Variants in PTPRT observed in about 807,000 individuals in gnomAD.
The protein encoded by PTPRT is protein tyrosine phosphatase receptor type T, also known as receptor-type tyrosine-protein phosphatase T.
Under a neutral mutation model 176.8 loss-of-function variants are expected in PTPRT, and 56 were observed. That is an observed-to-expected ratio of 0.32 (90% CI 0.26 to 0.40). PTPRT has a LOEUF of 0.40. Ranked by LOEUF, PTPRT falls within the 10% of genes least tolerant of loss-of-function variation. PTPRT has a pLI of 1.00. For missense variants in PTPRT, 1,540 were observed against 1,908.2 expected, an observed-to-expected ratio of 0.81 and a Z score of 3.60; for synonymous variants, 783 against 739.0, an observed-to-expected ratio of 1.06 and a Z score of -0.96.
intron 3 of PTPRT, among the ~76,000 whole-genome samples, chr20:42,788,102 T>C (rs2077318200): frequency 6.6e-6 from 1 of 152,054 alleles, no homozygotes; most frequent in Non-Finnish European, 1.5e-5. Context: ...ATACAACACG[T>C]CACGTTGTTA....
intron 1 of PTPRT, among the ~76,000 whole-genome samples, chr20:43,047,942 C>A (rs746720546): frequency 2.6e-4 from 39 of 152,202 alleles, no homozygotes; most frequent in Admixed American, 2.2e-3. Context: ...CCATGACACA[C>A]TGCAGCCTTG....
intron 7 of PTPRT, among the ~76,000 whole-genome samples, chr20:42,601,672 T>C (rs926737926): frequency 6.6e-6 from 1 of 152,224 alleles, no homozygotes; most frequent in Non-Finnish European, 1.5e-5. Flanking sequence ...AGTGCCTAGT[T>C]TGGGACGCAG....
At chr20:43,082,321 C>G (rs1282127335) in intron 1 of PTPRT, among the ~76,000 whole-genome samples, 1 of 151,886 alleles carries the variant, frequency 6.6e-6, no homozygotes, top group Non-Finnish European at 1.5e-5. Context: ...TGATCTCTCA[C>G]TGAATATATT....
chr20:42,430,434 T>G (rs370861590), intron 9 of PTPRT, among the ~76,000 whole-genome samples: 1 of 152,162 alleles, frequency 6.6e-6, no homozygotes, highest in African/African-American at 2.4e-5. Flanking sequence ...GGGACAGAGA[T>G]AGCACTTTCC....
At chr20:42,871,099 C>T (rs943342688) in intron 2 of PTPRT, among the ~76,000 whole-genome samples, 3 of 151,800 alleles carry the variant, frequency 2.0e-5, no homozygotes, top group African/African-American at 7.3e-5. Context: ...TACAGACACA[C>T]GCCACCATGC....
At chr20:42,978,206 A>G (rs770450757) in intron 1 of PTPRT, among the ~76,000 whole-genome samples, 1 of 149,102 alleles carries the variant, frequency 6.7e-6, no homozygotes, top group Non-Finnish European at 1.5e-5. Flanking sequence ...ACACAGTAAG[A>G]GATTAATAAC....
intron 6 of PTPRT, among the ~76,000 whole-genome samples, chr20:42,747,352 A>C (rs921614000): frequency 6.6e-6 from 1 of 152,352 alleles, no homozygotes; most frequent in East Asian, 1.9e-4. Context: ...GTACTGACTC[A>C]GGTACTGCTG....
At chr20:42,793,953 T>G (rs1294300993) in intron 2 of PTPRT, among the ~76,000 whole-genome samples, 1 of 152,172 alleles carries the variant, frequency 6.6e-6, no homozygotes, top group Non-Finnish European at 1.5e-5. Context: ...GATACCCGCA[T>G]GCACATTTCA....
At chr20:42,750,048 A>G (rs2076748257) in intron 6 of PTPRT, among the ~76,000 whole-genome samples, 1 of 152,230 alleles carries the variant, frequency 6.6e-6, no homozygotes, top group African/African-American at 2.4e-5. Flanking sequence ...AGAAGACAGT[A>G]CAATGTAAGT....
intron 7 of PTPRT, among the ~76,000 whole-genome samples, chr20:42,487,529 T>A (rs1275027186): frequency 6.6e-6 from 1 of 152,120 alleles, no homozygotes; most frequent in Non-Finnish European, 1.5e-5. Context: ...GGGGATATGA[T>A]CCTGGATTAT....
chr20:42,146,061 C>A (rs1049301157), intron 17 of PTPRT, among the ~76,000 whole-genome samples: 1 of 152,152 alleles, frequency 6.6e-6, no homozygotes, highest in East Asian at 1.9e-4. Context: ...ATATTGCCAC[C>A]AGTTTAGGCC....
At chr20:42,460,781 T>A (rs569389007) in intron 8 of PTPRT, among the ~76,000 whole-genome samples, 64 of 152,338 alleles carry the variant, frequency 4.2e-4, no homozygotes, top group African/African-American at 1.5e-3. Context: ...CTGCCACGAT[T>A]GTAAATTTTC....
intron 1 of PTPRT, among the ~76,000 whole-genome samples, chr20:43,180,413 T>C (rs570185078): frequency 9.7e-5 from 14 of 144,414 alleles, no homozygotes; most frequent in Admixed American, 2.8e-4. Context: ...CTGTCATATA[T>C]ATATAGAAAG....
At chr20:43,115,238 G>A (rs2013014777) in intron 1 of PTPRT, among the ~76,000 whole-genome samples, 1 of 152,188 alleles carries the variant, frequency 6.6e-6, no homozygotes, top group Non-Finnish European at 1.5e-5. Context: ...CCCCACAGGA[G>A]CTGAGAAGGT....
chr20:42,880,029 AGGTTCT>A (rs2078991313), intron 2 of PTPRT, among the ~76,000 whole-genome samples: 1 of 151,968 alleles, frequency 6.6e-6, no homozygotes, highest in Non-Finnish European at 1.5e-5. Flanking sequence ...GTGAGGAGAG[AGGTTCT>A]CCCATTTTAC....
rs138356108 is a variant in PTPRT at position 42,925,270 on chromosome 20, G to A, written c.89-39338C>T. Among the ~76,000 whole-genome samples, 250 of 152,196 alleles carry A rather than the reference G, an allele frequency of 1.6e-3. 2 individuals carry two copies. The highest frequency in any genetic ancestry group is 5.8e-3 in the African/African-American group (242 of 41,526). On this transcript the variant is annotated intron_variant, in intron 1 of 30. Coordinates refer to ENST00000373187, the MANE Select transcript of PTPRT (RefSeq NM_007050.6). ...TTAACTTACTTTAAAAGGAAACTCCGTATCACTACCAAAATGAAAACCTGG... is the reference window on the plus strand; with the variant it reads ...TTAACTTACTTTAAAAGGAAACTCCATATCACTACCAAAATGAAAACCTGG...
chr20:42,366,520 C>T (rs1326901453), intron 9 of PTPRT, among the ~76,000 whole-genome samples: 1 of 152,222 alleles, frequency 6.6e-6, no homozygotes, highest in East Asian at 1.9e-4. Flanking sequence ...ATTGACCACT[C>T]TGCCCTCTCT....
chr20:42,051,052 G>A, the PTPRT span, among the ~76,000 whole-genome samples: 159 of 152,348 alleles, frequency 1.0e-3, 1 homozygote, highest in African/African-American at 3.5e-3. Context: ...ACCCAGGAAT[G>A]GCTTGGAGAT....
chr20:42,041,279 C>T, the PTPRT span, among the ~76,000 whole-genome samples: 1 of 152,152 alleles, frequency 6.6e-6, no homozygotes, highest in Non-Finnish European at 1.5e-5. Context: ...TCATAACAAT[C>T]TCTAAAGATT....
Sources: gnomAD v4.1 joint callset for allele counts (sites outside exome capture counted in the v4.1 genomes callset) on GRCh38, gnomAD v4.1.1 for gene constraint, MANE v1.5 for transcripts, NCBI Gene and HGNC (gene_info 2026-07-23, HGNC 2026-07-21) for gene names.